Variants in ZNF684 observed in about 807,000 individuals in gnomAD.
ZNF684 encodes the protein zinc finger protein 684.
In ZNF684, 13 loss-of-function variants were observed where a neutral mutation model predicts 12.8. The observed-to-expected ratio is 1.02, with a 90% CI of 0.66 to 1.62. The LOEUF (loss-of-function observed/expected upper bound fraction) is 1.62. ZNF684 is among the 40% of genes most tolerant of loss of function. The probability of loss-of-function intolerance (pLI) is 0.00; values close to 1 mark genes in which losing one functional copy is unlikely to be tolerated. For missense variants in ZNF684, 384 were observed against 446.9 expected (o/e 0.86, Z 1.27); for synonymous variants, 118 against 151.8 (o/e 0.78, Z 1.64).
rs895286131 is a variant in ZNF684 at position 40,548,143 on chromosome 1, GTAAA to G, written c.*691_*694del. On this transcript the variant is annotated 3_prime_UTR_variant, in exon 5 of 5. Coordinates refer to ENST00000372699, the MANE Select transcript of ZNF684 (RefSeq NM_152373.4). ...TTGAGGAAAAGAATTATTTAAATATGTAAATAAATAATTTGCACTTCAAATATTT... is the reference window on the plus strand; with the variant it reads ...TTGAGGAAAAGAATTATTTAAATATGTAAATAATTTGCACTTCAAATATTT... 5.3e-5 allele frequency: 8 copies of G among 152,334 alleles called. No individual in the cohort carries two copies. Among genetic ancestry groups the G allele is most frequent in the East Asian group, 3.9e-4 (2 of 5,194 alleles). The allele number at this position is 152,334 out of a possible 1,614,324, so 9.4% of individuals were successfully genotyped here. A position where few individuals can be genotyped will look rare whatever the true frequency, so the allele number is the denominator to read the frequency against.
intron 4 of ZNF684, among the ~76,000 whole-genome samples, chr1:40,543,994 C>CTT (rs745382844): frequency 7.1e-4 from 102 of 143,896 alleles, no homozygotes; most frequent in African/African-American, 2.5e-3. Flanking sequence ...TTTTCTTTTT[C>CTT]TTTTTTTTTT....
intron 2 of ZNF684, among the ~76,000 whole-genome samples, chr1:40,539,845 T>C (rs959810035): frequency 2.6e-5 from 4 of 152,026 alleles, no homozygotes; most frequent in African/African-American, 9.7e-5. Context: ...TACATACATA[T>C]ATCTATGTCT....
intron 2 of ZNF684, among the ~76,000 whole-genome samples, chr1:40,540,187 G>C (rs1646006736): frequency 1.3e-5 from 2 of 152,006 alleles, no homozygotes; most frequent in African/African-American, 4.8e-5. Context: ...CTAATCCAAG[G>C]TCACAAAAAA....
In ZNF684 at chr1:40,547,646, A is replaced by G; in HGVS notation, c.*186A>G. 2.0e-6 allele frequency: 1 copy of G among 496,604 alleles called. No homozygotes were observed. Among genetic ancestry groups the G allele is most frequent in the South Asian group, 4.2e-5 (1 of 23,830 alleles). 30.8% of individuals were successfully genotyped at this position (496,604 alleles called of 1,614,324 possible). ...ACTTTTTACAGAAAATATGACAGAA[A>G]ACAACTATAAATAATAGAGCATAAA... On this transcript the variant is annotated 3_prime_UTR_variant, in exon 5 of 5. Coordinates refer to ENST00000372699, the MANE Select transcript of ZNF684 (RefSeq NM_152373.4).
rs368941772 is a variant in ZNF684 at position 40,533,098 on chromosome 1, G to T, written c.-24-45G>T. The T allele has an allele frequency of 7.8e-6, 12 of 1,530,412 alleles. No homozygotes were observed. The Admixed American group carries it at 8.5e-5, about 11-fold the overall frequency. The allele number at this position is 1,530,412 out of a possible 1,614,324, so 94.8% of individuals were successfully genotyped here. On this transcript the variant is annotated intron_variant, in intron 1 of 4. Transcript: ENST00000372699. ...GGGTTCTACTTTGCATGCAGTCCTGGTATCTCAGGTCTTTCTATTCTCTTC... is the reference window on the plus strand; with the variant it reads ...GGGTTCTACTTTGCATGCAGTCCTGTTATCTCAGGTCTTTCTATTCTCTTC...
intron 2 of ZNF684, among the ~76,000 whole-genome samples, chr1:40,536,513 C>T (rs1645986150): frequency 7.1e-6 from 1 of 140,958 alleles, no homozygotes; most frequent in Non-Finnish European, 1.6e-5. Context: ...TCAGTAACAT[C>T]TTTTTTTTTT....
At chr1:40,543,290 G>A (rs1379443706) in intron 4 of ZNF684, among the ~76,000 whole-genome samples, 3 of 152,034 alleles carry the variant, frequency 2.0e-5, no homozygotes, top group African/African-American at 7.3e-5. Context: ...TATTTCTGTT[G>A]TTGCTCTCCT....
At chr1:40,544,533 G>A (rs1646033543) in intron 4 of ZNF684, 2 of 284,196 alleles carry the variant, frequency 7.0e-6, no homozygotes, top group Non-Finnish European at 1.4e-5. Context: ...TGTATTTTTA[G>A]TAGAGACACG....
intron 4 of ZNF684, among the ~76,000 whole-genome samples, chr1:40,545,958 C>T (rs1444943989): frequency 2.3e-5 from 3 of 132,766 alleles, no homozygotes; most frequent in East Asian, 4.4e-4. Context: ...GAGTCTCGCT[C>T]CATCACCAGG....
chr1:40,539,098 C>T (rs933399920), intron 2 of ZNF684, among the ~76,000 whole-genome samples: 3 of 151,904 alleles, frequency 2.0e-5, no homozygotes, highest in African/African-American at 7.2e-5. Context: ...GGCGCAATCT[C>T]GGCTCACTGC....
Position 40,547,597 on chromosome 1 carries a change from AT to A in ZNF684, c.*138del. 1.4e-6 allele frequency: 1 copy of A among 733,072 alleles called. No homozygotes were observed. Among genetic ancestry groups the A allele is most frequent in the Admixed American group, 3.4e-5 (1 of 29,834 alleles). The allele number at this position is 733,072 out of a possible 1,614,324, so 45.4% of individuals were successfully genotyped here. On this transcript the variant is annotated 3_prime_UTR_variant, in exon 5 of 5. Coordinates refer to ENST00000372699, the MANE Select transcript of ZNF684 (RefSeq NM_152373.4). ...TTCCCATAAAAAACAACCAATGCCA[AT>A]CATGTTCTGGAAGTGATAATAAACT...
intron 2 of ZNF684, 93 bp downstream of exon 2, chr1:40,533,274 A>G (rs1645967283): frequency 2.4e-6 from 3 of 1,272,380 alleles, no homozygotes; most frequent in Non-Finnish European, 3.4e-6. Flanking sequence ...TGTAAACCAA[A>G]TAAAAGATCA....
chr1:40,535,481 G>C (rs1645979057), intron 2 of ZNF684, among the ~76,000 whole-genome samples: 2 of 152,174 alleles, frequency 1.3e-5, no homozygotes, highest in Non-Finnish European at 2.9e-5. Context: ...GTTCAAACCT[G>C]TGTTGTTCAG....
In ZNF684 at chr1:40,540,580, T is replaced by C; in HGVS notation, c.16-6T>C. ...CTTTAGTTTGAAGATAAATGTGCTG[T>C]TACAGGAATCAGTGACATTCCAGGA... On this transcript the variant is annotated splice_polypyrimidine_tract_variant and splice_region_variant and intron_variant, in intron 2 of 4. Transcript: ENST00000372699. 1 of 1,592,310 alleles carries C rather than the reference T, an allele frequency of 6.3e-7. No individual in the cohort carries two copies. Among genetic ancestry groups the C allele is most frequent in the Non-Finnish European group, 8.5e-7 (1 of 1,170,348 alleles).
chr1:40,539,257 C>A (rs1280287348), intron 2 of ZNF684, among the ~76,000 whole-genome samples: 1 of 152,110 alleles, frequency 6.6e-6, no homozygotes, highest in Admixed American at 6.6e-5. Flanking sequence ...TCTCGATCTC[C>A]TGACTTCGTG....
intron 4 of ZNF684, among the ~76,000 whole-genome samples, chr1:40,545,760 A>G (rs1646042968): frequency 6.6e-6 from 1 of 152,050 alleles, no homozygotes; most frequent in African/African-American, 2.4e-5. Flanking sequence ...TTAAGAGGAA[A>G]AAGGCACAAG....
At chr1:40,545,296 T>TG (rs1646040241) in intron 4 of ZNF684, among the ~76,000 whole-genome samples, 1 of 152,142 alleles carries the variant, frequency 6.6e-6, no homozygotes, top group Non-Finnish European at 1.5e-5. Context: ...AACTTAAGCG[T>TG]GGGGAATTAT....
At position 40,546,542 on chromosome 1, in the gene ZNF684, T is replaced by C. The variant is rs1646049550; in HGVS notation, c.239-20T>C. ...GATGGGAAAAAGTAACTAGGAATGTTTTGTTGTACTCCTTTTTAGAATCTG... is the reference window on the plus strand; with the variant it reads ...GATGGGAAAAAGTAACTAGGAATGTCTTGTTGTACTCCTTTTTAGAATCTG... On this transcript the variant is annotated intron_variant, in intron 4 of 4. Coordinates refer to ENST00000372699, the MANE Select transcript of ZNF684 (RefSeq NM_152373.4). The C allele has an allele frequency of 6.6e-7, 1 of 1,512,184 alleles. No homozygotes were observed. The highest frequency in any genetic ancestry group is 1.4e-5 in the African/African-American group (1 of 71,442). The allele number at this position is 1,512,184 out of a possible 1,614,324, so 93.7% of individuals were successfully genotyped here.
Position 40,537,120 on chromosome 1 carries a change from A to G in ZNF684, c.16-3466A>G, listed in dbSNP as rs189565219. ...TTCCACAATGTTTGAACTAGTTTAC[A>G]GTCCCACCAACAGTGTAAAAGTGTT... is the stretch of plus-strand genomic sequence containing the variant. On this transcript the variant is annotated intron_variant, in intron 2 of 4. Coordinates refer to ENST00000372699, the MANE Select transcript of ZNF684 (RefSeq NM_152373.4). Among the ~76,000 whole-genome samples, 11 of 152,330 alleles carry G rather than the reference A, an allele frequency of 7.2e-5. No homozygotes were observed. The East Asian group carries it at 1.9e-3, about 27-fold the overall frequency.
Sources: gnomAD v4.1 joint callset for allele counts (sites outside exome capture counted in the v4.1 genomes callset) on GRCh38, gnomAD v4.1.1 for gene constraint, MANE v1.5 for transcripts, NCBI Gene and HGNC (gene_info 2026-07-23, HGNC 2026-07-21) for gene names.